SMARCA2: variants seen among roughly 807,000 people sequenced by gnomAD.
SMARCA2 encodes SWI/SNF-related matrix-associated actin-dependent regulator of chromatin subfamily A member 2.
A neutral mutation model predicts 199.8 loss-of-function variants in SMARCA2; 61 were observed. That is an observed-to-expected ratio of 0.31 (90% confidence interval 0.25 to 0.38). The LOEUF is 0.38. Ranked by LOEUF, SMARCA2 falls within the 10% of genes least tolerant of loss-of-function variation. The probability of loss-of-function intolerance (pLI) is 1.00; values close to 1 mark genes in which losing one functional copy is unlikely to be tolerated. For missense variants in SMARCA2, 1,344 were observed against 2,012.2 expected, an observed-to-expected ratio of 0.67 and a Z score of 6.35; for synonymous variants, 935 against 732.0, an observed-to-expected ratio of 1.28 and a Z score of -4.48.
At chr9:2,048,469 G>C (rs760808067) in intron 5 of SMARCA2, among the ~76,000 whole-genome samples, 1 of 152,140 alleles carries the variant, frequency 6.6e-6, no homozygotes, top group Non-Finnish European at 1.5e-5. Context: ...ATTTCCCAAA[G>C]ACTTTAATTT....
intron 25 of SMARCA2, among the ~76,000 whole-genome samples, chr9:2,117,230 T>G (rs570458447): frequency 1.3e-5 from 2 of 152,328 alleles, no homozygotes; most frequent in African/African-American, 4.8e-5. Context: ...GAAGTAAAGC[T>G]TGATATTTAA....
chr9:2,099,649 A>G (rs1274441386), intron 21 of SMARCA2, among the ~76,000 whole-genome samples: 1 of 152,174 alleles, frequency 6.6e-6, no homozygotes, highest in Non-Finnish European at 1.5e-5. Flanking sequence ...TAGAAACAAG[A>G]GATCCACAGT....
intron 14 of SMARCA2, among the ~76,000 whole-genome samples, chr9:2,078,900 G>C (rs1379920873): frequency 6.6e-6 from 1 of 151,580 alleles, no homozygotes; most frequent in African/African-American, 2.4e-5. Context: ...AGCCGAGATA[G>C]CACCACTGCA....
Position 2,029,070 on chromosome 9 carries a change from G to C in SMARCA2, c.48G>C (p.Ser16=). The change falls in exon 2 of 34, where the codon TCG becomes TCC. Residue 16 remains serine (S), a synonymous_variant. Transcript: ENST00000349721. The part of the protein sequence containing the change: ...DPGAMPHPGP[S]PGPGPSPGPI... Reference sequence around the variant, plus strand: ...GTGCGATGCCCCACCCAGGGCCTTCGCCGGGGCCTGGGCCTTCCCCTGGGC... The same window carrying C: ...GTGCGATGCCCCACCCAGGGCCTTCCCCGGGGCCTGGGCCTTCCCCTGGGC... 6.4e-7 allele frequency: 1 copy of C among 1,564,630 alleles called. No homozygotes were observed. Among genetic ancestry groups the C allele is most frequent in the Non-Finnish European group, 8.7e-7 (1 of 1,153,398 alleles).
At chr9:2,171,259 G>C (rs531457301) in intron 29 of SMARCA2, among the ~76,000 whole-genome samples, 51 of 152,148 alleles carry the variant, frequency 3.4e-4, no homozygotes, top group African/African-American at 1.1e-3. Flanking sequence ...AAAAAAAGTT[G>C]ATACAGTGCT....
intron 18 of SMARCA2, 133 bp from the exon 19 acceptor site, chr9:2,088,367 C>G: frequency 1.0e-6 from 1 of 971,658 alleles, no homozygotes; most frequent in Non-Finnish European, 1.4e-6. Context: ...GTAGATATGA[C>G]AGGCTTAAAC....
At chr9:2,091,943 G>A (rs1379469012) in intron 19 of SMARCA2, among the ~76,000 whole-genome samples, 1 of 152,144 alleles carries the variant, frequency 6.6e-6, no homozygotes, top group Non-Finnish European at 1.5e-5. Flanking sequence ...AACCGCATAG[G>A]AAAATTAGCT....
intron 2 of SMARCA2, among the ~76,000 whole-genome samples, chr9:2,030,375 TGA>T (rs1819009033): frequency 6.6e-6 from 1 of 151,904 alleles, no homozygotes; most frequent in African/African-American, 2.4e-5. Context: ...ACTGATGATG[TGA>T]GTTCCAGTGA....
chr9:2,170,344 G>T lies in SMARCA2; in HGVS notation c.4200-75G>T. The T allele has an allele frequency of 6.3e-7, 1 of 1,599,716 alleles. No homozygotes were observed. Among genetic ancestry groups the T allele is most frequent in the Non-Finnish European group, 8.5e-7 (1 of 1,171,950 alleles). ...GACTGAGGCTTGGCCAGGTCACCCA[G>T]CCTAGGAAGAAGGAGCCGGGCGGGG... On this transcript the variant is annotated intron_variant, in intron 28 of 33. Coordinates refer to ENST00000349721, the MANE Select transcript of SMARCA2 (RefSeq NM_003070.5). This position sits in a 1 kb window ranked among gnomAD's most constrained non-coding sequence, Gnocchi z 4.7.
chr9:2,073,077 C>G, intron 10 of SMARCA2, 135 bp from the exon 11 acceptor site: 1 of 1,003,724 alleles, frequency 1.0e-6, no homozygotes, highest in South Asian at 1.7e-5. Context: ...CACCAACACT[C>G]ATTAGGTAGT....
intron 27 of SMARCA2, among the ~76,000 whole-genome samples, chr9:2,142,597 T>C (rs1824517552): frequency 6.6e-6 from 1 of 152,222 alleles, no homozygotes. Flanking sequence ...ATAAATGTTA[T>C]TTAATAGCCT....
At chr9:2,040,039 C>T in intron 4 of SMARCA2, 139 bp downstream of exon 4, 1 of 1,447,070 alleles carries the variant, frequency 6.9e-7, no homozygotes, top group Non-Finnish European at 9.2e-7. Context: ...TATCCTTGCT[C>T]CACTTAGATG....
chr9:2,158,984 T>G (rs1825522312), intron 27 of SMARCA2: 1 of 1,612,064 alleles, frequency 6.2e-7, no homozygotes, highest in Non-Finnish European at 8.5e-7. Flanking sequence ...TAATGGTCAG[T>G]ACTTTGTGTG....
intron 27 of SMARCA2, among the ~76,000 whole-genome samples, chr9:2,133,274 A>G (rs1478767608): frequency 6.6e-6 from 1 of 152,178 alleles, no homozygotes; most frequent in African/African-American, 2.4e-5. Context: ...TGTCTATCTG[A>G]ATCAAGATTT....
At chr9:2,022,245 G>C (rs1818637679) in intron 1 of SMARCA2, 1 of 152,196 alleles carries the variant, frequency 6.6e-6, no homozygotes, top group African/African-American at 2.4e-5. Context: ...TCCAGAGTGG[G>C]AATTGAAGCT....
chr9:2,149,262 A>G (rs894574437), intron 27 of SMARCA2, among the ~76,000 whole-genome samples: 2 of 151,336 alleles, frequency 1.3e-5, no homozygotes, highest in African/African-American at 4.8e-5. Flanking sequence ...TCACACCTGT[A>G]ATCCAAGCAC....
intron 27 of SMARCA2, among the ~76,000 whole-genome samples, chr9:2,135,077 A>C (rs1824134880): frequency 6.6e-6 from 1 of 152,246 alleles, no homozygotes; most frequent in South Asian, 2.1e-4. Context: ...TTGGAGACCC[A>C]GGAAAGCCAA....
intron 9 of SMARCA2, among the ~76,000 whole-genome samples, chr9:2,065,756 C>T (rs937123945): frequency 2.0e-5 from 3 of 152,066 alleles, no homozygotes; most frequent in Non-Finnish European, 2.9e-5. Context: ...TACAGCTTTC[C>T]TCTACAGGAT....
At chr9:2,090,673 T>C (rs780965213) in intron 19 of SMARCA2, among the ~76,000 whole-genome samples, 1 of 152,214 alleles carries the variant, frequency 6.6e-6, no homozygotes, top group Non-Finnish European at 1.5e-5. Flanking sequence ...GTCTCTGTTA[T>C]TAATGGGAGT....
Sources: gnomAD v4.1 joint callset for allele counts (sites outside exome capture counted in the v4.1 genomes callset) on GRCh38, gnomAD v4.1.1 for gene constraint, Gnocchi (gnomAD v3.1) non-coding constraint, MANE v1.5 for transcripts, NCBI Gene and HGNC (gene_info 2026-07-23, HGNC 2026-07-21) for gene names.